The following DOCK3 variants were observed in gnomAD, a reference collection of about 807,000 sequenced individuals.
The protein encoded by DOCK3 is dedicator of cytokinesis 3.
In DOCK3, 60 loss-of-function variants were observed where a neutral mutation model predicts 265.6. The ratio of observed to expected loss-of-function variants is 0.23; its 90% CI spans 0.18 to 0.28. The LOEUF (loss-of-function observed/expected upper bound fraction) is 0.28, where lower values mean the gene tolerates loss of function less well. DOCK3 is among the 10% of genes least tolerant of loss of function. The pLI, the probability that DOCK3 is intolerant of heterozygous loss-of-function variation, is 1.00. For missense variants in DOCK3, 1,981 were observed against 2,594.3 expected (o/e 0.76, Z 5.14); for synonymous variants, 881 against 938.0 (o/e 0.94, Z 1.11).
chr3:50,788,780 A>G (rs1405137625), intron 2 of DOCK3, among the ~76,000 whole-genome samples: 1 of 118,114 alleles, frequency 8.5e-6, no homozygotes, highest in South Asian at 3.2e-4. Context: ...CAGGGTGGGC[A>G]GAGCGCAGGG....
chr3:50,788,262 A>C, intron 2 of DOCK3: 1 of 624,866 alleles, frequency 1.6e-6, no homozygotes. Flanking sequence ...CCAGCTCCTG[A>C]CGAGAAGTGG....
intron 1 of DOCK3, among the ~76,000 whole-genome samples, chr3:50,688,585 C>T (rs1400402148): frequency 6.6e-6 from 1 of 152,156 alleles, no homozygotes; most frequent in Non-Finnish European, 1.5e-5. Context: ...GGCTCAGCCT[C>T]CTGAGTAGCT....
chr3:50,914,569 C>T (rs2050022776), intron 4 of DOCK3, among the ~76,000 whole-genome samples: 2 of 152,080 alleles, frequency 1.3e-5, no homozygotes. Flanking sequence ...GATACGATTT[C>T]AGTTCTTTTA....
intron 7 of DOCK3, among the ~76,000 whole-genome samples, chr3:51,078,335 G>A (rs2082121053): frequency 1.3e-5 from 2 of 152,166 alleles, no homozygotes; most frequent in Admixed American, 1.3e-4. Flanking sequence ...AACAGTAGGA[G>A]AGAAAACGTT....
At chr3:50,911,003 T>G (rs944293353) in intron 4 of DOCK3, among the ~76,000 whole-genome samples, 1 of 152,070 alleles carries the variant, frequency 6.6e-6, no homozygotes, top group Non-Finnish European at 1.5e-5. Context: ...TTGTCTGTTT[T>G]TTTTTTGGAT....
intron 1 of DOCK3, among the ~76,000 whole-genome samples, chr3:50,761,678 T>A (rs1459141168): frequency 6.6e-6 from 1 of 152,232 alleles, no homozygotes; most frequent in Non-Finnish European, 1.5e-5. Flanking sequence ...CACCTGATAA[T>A]TTTTCACCAT....
intron 9 of DOCK3, among the ~76,000 whole-genome samples, chr3:51,130,625 C>T (rs1206404099): frequency 6.6e-6 from 1 of 152,192 alleles, no homozygotes; most frequent in East Asian, 1.9e-4. Flanking sequence ...TGGGAATCAC[C>T]ACCCGTACAT....
intron 27 of DOCK3, among the ~76,000 whole-genome samples, chr3:51,299,971 G>C (rs1047991039): frequency 6.6e-6 from 1 of 152,068 alleles, no homozygotes; most frequent in Non-Finnish European, 1.5e-5. Context: ...TAGTTTAATG[G>C]GAATAGCATT....
intron 21 of DOCK3, among the ~76,000 whole-genome samples, chr3:51,244,830 C>T (rs1327745847): frequency 6.6e-6 from 1 of 152,178 alleles, no homozygotes; most frequent in African/African-American, 2.4e-5. Flanking sequence ...GCTGATATTT[C>T]AGACTATAGT....
chr3:51,111,365 A>G (rs2083507677), intron 9 of DOCK3, among the ~76,000 whole-genome samples: 1 of 152,240 alleles, frequency 6.6e-6, no homozygotes, highest in Non-Finnish European at 1.5e-5. Context: ...ACAGCATAGT[A>G]TTGGTACAAA....
intron 14 of DOCK3, among the ~76,000 whole-genome samples, chr3:51,224,290 T>C (rs2090231488): frequency 6.6e-6 from 1 of 152,180 alleles, no homozygotes; most frequent in Non-Finnish European, 1.5e-5. Context: ...GATTGCAAGA[T>C]TGCATACCTG....
At chr3:51,175,895 T>C (rs2086917990) in intron 12 of DOCK3, among the ~76,000 whole-genome samples, 2 of 152,334 alleles carry the variant, frequency 1.3e-5, no homozygotes, top group South Asian at 4.1e-4. Flanking sequence ...TGGATCTTCA[T>C]CTATCCAGGA....
At chr3:51,309,284 C>G (rs2082911693) in intron 27 of DOCK3, among the ~76,000 whole-genome samples, 1 of 152,224 alleles carries the variant, frequency 6.6e-6, no homozygotes, top group Non-Finnish European at 1.5e-5. Context: ...TGCACTCCAG[C>G]CTGGGCACCA....
At chr3:50,820,825 T>TC (rs1441407221) in intron 2 of DOCK3, among the ~76,000 whole-genome samples, 6 of 9,562 alleles carry the variant, frequency 6.3e-4, no homozygotes, top group Non-Finnish European at 2.8e-3. Flanking sequence ...TGCTGGCATC[T>TC]TTTTTTTTTT....
chr3:51,315,221 G>T, intron 32 of DOCK3, 93 bp downstream of exon 32: 1 of 1,415,726 alleles, frequency 7.1e-7, no homozygotes, highest in Non-Finnish European at 9.4e-7. Context: ...ATTCTAGTGG[G>T]GATGGGCTGT....
At chr3:50,917,398 TCC>T in intron 4 of DOCK3, among the ~76,000 whole-genome samples, 1 of 152,218 alleles carries the variant, frequency 6.6e-6, no homozygotes, top group South Asian at 2.1e-4. Context: ...TTTTTATTTA[TCC>T]AGGTGTCCTA....
intron 5 of DOCK3, among the ~76,000 whole-genome samples, chr3:50,999,585 A>G (rs375674314): frequency 6.6e-6 from 1 of 152,164 alleles, no homozygotes; most frequent in Non-Finnish European, 1.5e-5. Context: ...TCAGAAATTT[A>G]TATTTCTGGT....
intron 6 of DOCK3, among the ~76,000 whole-genome samples, chr3:51,065,286 G>A (rs1256691987): frequency 3.3e-5 from 5 of 151,964 alleles, no homozygotes; most frequent in Non-Finnish European, 7.4e-5. Flanking sequence ...AAGTGACCAG[G>A]TTGCCTCCTA....
At chr3:50,891,203 A>C (rs1330082896) in intron 4 of DOCK3, among the ~76,000 whole-genome samples, 2 of 152,090 alleles carry the variant, frequency 1.3e-5, no homozygotes, top group African/African-American at 2.4e-5. Context: ...TAATGCTTCC[A>C]GCTGGCAAAG....
Sources: gnomAD v4.1 joint callset for allele counts (sites outside exome capture counted in the v4.1 genomes callset) on GRCh38, gnomAD v4.1.1 for gene constraint, MANE v1.5 for transcripts, NCBI Gene and HGNC (gene_info 2026-07-23, HGNC 2026-07-21) for gene names.